The following MYBPHL variants were observed in gnomAD, a reference collection of about 807,000 sequenced individuals.
MYBPHL encodes the protein myosin binding protein H like.
A neutral mutation model predicts 39.5 loss-of-function variants in MYBPHL; 32 were observed. The observed-to-expected ratio is 0.81, with a 90% CI of 0.61 to 1.09. MYBPHL has a LOEUF of 1.09. Among genes scored for constraint, MYBPHL ranks in the 50% least tolerant of loss-of-function variants. The pLI, the probability that MYBPHL is intolerant of heterozygous loss-of-function variation, is 0.00. For synonymous variants in MYBPHL, 196 were observed against 183.7 expected (o/e 1.07, Z -0.54); for missense variants, 456 against 460.2 (o/e 0.99, Z 0.08).
chr1:109,297,258 C>T (rs1274099887), intron 3 of MYBPHL, 69 bp from the exon 4 acceptor site: 8 of 1,606,374 alleles, frequency 5.0e-6, no homozygotes, highest in South Asian at 3.3e-5. Flanking sequence ...TCAGGAGTGC[C>T]CTAGCCCCTT....
chr1:109,297,511 T>A lies in MYBPHL; in HGVS notation c.341A>T (p.Glu114Val). The A allele has an allele frequency of 6.2e-7, 1 of 1,613,750 alleles. No individual in the cohort carries two copies. The stretch of plus-strand genomic sequence containing the variant: ...GCGACCTGAGTCAGCACGTTGGGCT[T>A]CTCGGATGAAGAGGATGGAGTCTTG... Reference protein sequence around the residue: ...GEQDSILFIREAQRADSGRYQ... With the variant: ...GEQDSILFIRVAQRADSGRYQ... Residue 114 changes from glutamate (E) to valine (V), a missense_variant, in exon 3 of 9, where the codon GAA becomes GTA. Transcript: ENST00000357155.
intron 1 of MYBPHL, among the ~76,000 whole-genome samples, 195 bp downstream of exon 1, chr1:109,306,652 G>A (rs1658477968): frequency 6.6e-6 from 1 of 152,144 alleles, no homozygotes; most frequent in African/African-American, 2.4e-5. Context: ...AACTTAGCAG[G>A]GACATTTGAG....
chr1:109,301,850 A>C (rs1425231504), intron 1 of MYBPHL, among the ~76,000 whole-genome samples: 1 of 152,084 alleles, frequency 6.6e-6, no homozygotes, highest in Non-Finnish European at 1.5e-5. Context: ...GCTAAAGTTT[A>C]TGCCTGTTTT....
At chr1:109,298,331 T>A in intron 1 of MYBPHL, 74 bp from the exon 2 acceptor site, 2 of 1,351,924 alleles carry the variant, frequency 1.5e-6, no homozygotes, top group East Asian at 2.5e-5. Flanking sequence ...CTGCCTGCTG[T>A]GGGTGAGTGG....
chr1:109,297,600 T>C lies in MYBPHL; in HGVS notation c.252A>G (p.Gln84=), dbSNP rs74116334. Residue 84 remains glutamine (Q), a synonymous_variant, in exon 3 of 9, where the codon CAA becomes CAG. Coordinates refer to ENST00000357155, the MANE Select transcript of MYBPHL (RefSeq NM_001010985.3). Reference sequence around the variant, plus strand: ...CACAGCCATCATGTGTCCAGATGGCTTGAGGTTTGGGCTTGCCCTGAGGAA... The same window carrying C: ...CACAGCCATCATGTGTCCAGATGGCCTGAGGTTTGGGCTTGCCCTGAGGAA... ...LIPFQGKPKP[Q]AIWTHDGCAL... is the part of the protein sequence containing the mutation. 560 of 1,613,448 alleles carry C rather than the reference T, an allele frequency of 3.5e-4. No homozygotes were observed. Among genetic ancestry groups the C allele is most frequent in the African/African-American group, 1.8e-3 (134 of 74,990 alleles).
intron 5 of MYBPHL, 53 bp downstream of exon 5, chr1:109,296,730 T>C: frequency 6.2e-7 from 1 of 1,606,988 alleles, no homozygotes; most frequent in Non-Finnish European, 8.5e-7. Flanking sequence ...TGAGCCACTG[T>C]GCCCGGCCTA....
chr1:109,297,306 C>T (rs1307128134), intron 3 of MYBPHL, 116 bp downstream of exon 3: 2 of 1,566,878 alleles, frequency 1.3e-6, no homozygotes, highest in Admixed American at 3.5e-5. Context: ...CACCCTGTGT[C>T]CCAGACATGA....
chr1:109,301,166 G>A (rs1298312654), intron 1 of MYBPHL, among the ~76,000 whole-genome samples: 3 of 152,176 alleles, frequency 2.0e-5, no homozygotes, highest in Non-Finnish European at 2.9e-5. Context: ...GGTGTAAATT[G>A]TACTGACCTT....
chr1:109,305,550 G>C (rs924330597), intron 1 of MYBPHL, among the ~76,000 whole-genome samples: 1 of 152,218 alleles, frequency 6.6e-6, no homozygotes, highest in African/African-American at 2.4e-5. Flanking sequence ...GACCAGTAGA[G>C]AGAGCTGAGG....
chr1:109,295,274 G>C lies in MYBPHL; in HGVS notation c.891C>G (p.Asn297Lys). Residue 297 changes from asparagine (N) to lysine (K), a missense_variant, in exon 7 of 9, where the codon AAC (asparagine) becomes AAG (lysine). Coordinates refer to ENST00000357155, the MANE Select transcript of MYBPHL (RefSeq NM_001010985.3). ...TAGGGTTGCCTTGGATATCCATCTT[G>C]TTCTTCAGCCAGATGATCTTGGGCT... ...SPRPKIIWLK[N>K]KMDIQGNPKY... The C allele has an allele frequency of 6.2e-7, 1 of 1,614,034 alleles. No individual in the cohort carries two copies. Among genetic ancestry groups the C allele is most frequent in the Non-Finnish European group, 8.5e-7 (1 of 1,179,926 alleles).
intron 1 of MYBPHL, among the ~76,000 whole-genome samples, chr1:109,304,576 G>A (rs1272665271): frequency 3.9e-5 from 6 of 152,178 alleles, no homozygotes; most frequent in African/African-American, 7.2e-5. Context: ...GAGGGGTCAG[G>A]ATCTCCTATG....
At chr1:109,296,482 A>G in intron 5 of MYBPHL, 112 bp from the exon 6 acceptor site, 7 of 1,356,422 alleles carry the variant, frequency 5.2e-6, no homozygotes, top group Non-Finnish European at 6.1e-6. Context: ...TCTATTGCCC[A>G]GGCTGGAGTG....
At position 109,297,092 on chromosome 1, in the gene MYBPHL, T is replaced by C. The variant is rs1051076064; in HGVS notation, c.528A>G (p.Ala176=). Residue 176 remains alanine, a synonymous_variant, in exon 4 of 9, where the codon GCA becomes GCG. Coordinates refer to ENST00000357155, the MANE Select transcript of MYBPHL (RefSeq NM_001010985.3). ...WTPPQDTGNT[A]LLGYTVQKAD... is the part of the protein sequence containing the mutation. The stretch of plus-strand genomic sequence containing the variant: ...CCTTCTGCACCGTGTATCCCAGAAG[T>C]GCTGTATTCCCCGTATCTTGGGGCG... 1.9e-6 allele frequency: 3 copies of C among 1,614,030 alleles called. No homozygotes were observed. Among genetic ancestry groups the C allele is most frequent in the Non-Finnish European group, 2.5e-6 (3 of 1,180,046 alleles).
rs1253861188 is a variant in MYBPHL, at chr1:109,297,565, G to C, written c.287C>G (p.Thr96Ser). 1 of 1,613,812 alleles carries C rather than the reference G, an allele frequency of 6.2e-7. No individual in the cohort carries two copies. The highest frequency in any genetic ancestry group is 8.5e-7 in the Non-Finnish European group (1 of 1,180,040). Residue 96 changes from threonine to serine, a missense_variant, in exon 3 of 9, where the codon ACC becomes AGC. Physicochemically the swap from Thr to Ser is moderately conservative, Grantham distance 58. Coordinates refer to ENST00000357155, the MANE Select transcript of MYBPHL (RefSeq NM_001010985.3). ...CCCATTCCGCACACTCACACGCCTG[G>C]TGTCCAAGGCACAGCCATCATGTGT... is the stretch of plus-strand genomic sequence containing the variant. ...IWTHDGCALD[T>S]RRVSVRNGEQ...
intron 1 of MYBPHL, among the ~76,000 whole-genome samples, chr1:109,299,622 G>A (rs968643580): frequency 6.6e-6 from 1 of 152,214 alleles, no homozygotes; most frequent in Non-Finnish European, 1.5e-5. Flanking sequence ...CAGTGCACAC[G>A]GTCCGTTTGG....
At chr1:109,305,842 T>C (rs553917447) in intron 1 of MYBPHL, among the ~76,000 whole-genome samples, 2 of 152,308 alleles carry the variant, frequency 1.3e-5, no homozygotes, top group African/African-American at 2.4e-5. Context: ...CTTGGAAATA[T>C]TTGATCATTT....
In MYBPHL at chr1:109,297,131, T is replaced by C. The variant is rs556948540; in HGVS notation, c.489A>G (p.Thr163=). The change falls in exon 4 of 9, where the codon ACA becomes ACG. Residue 163 remains threonine, a synonymous_variant. Transcript: ENST00000357155. ...TATCTTGGGGCGGTGTCCATTCCAG[T>C]GTAGCGCTGAAGCCCCAAACGTCCA... The part of the protein sequence containing the change: ...KLVDVWGFSA[T]LEWTPPQDTG... The C allele has an allele frequency of 6.2e-6, 10 of 1,613,986 alleles. No homozygotes were observed. In the East Asian group the frequency reaches 1.1e-4, roughly 18 times the overall value.
At chr1:109,295,388 T>C (rs972254272) in intron 6 of MYBPHL, 91 bp from the exon 7 acceptor site, 25 of 1,219,470 alleles carry the variant, frequency 2.1e-5, no homozygotes, top group East Asian at 1.0e-4. Flanking sequence ...TCTGTCTATA[T>C]AGAGATAATG....
In MYBPHL at chr1:109,301,705, C is replaced by T. The variant is rs1000523963; in HGVS notation, c.146-3448G>A. Among the ~76,000 whole-genome samples, 7 of 150,996 alleles carry T rather than the reference C, an allele frequency of 4.6e-5. No individual in the cohort carries two copies. The East Asian group carries it at 7.8e-4, about 17-fold the overall frequency. On this transcript the variant is annotated intron_variant, in intron 1 of 8. Coordinates refer to ENST00000357155, the MANE Select transcript of MYBPHL (RefSeq NM_001010985.3). ...GCAGTGAGCCGAGATTGCACCATTGCGCTCCAGCCTGGGCAATAAGAACAA... is the reference window on the plus strand; with the variant it reads ...GCAGTGAGCCGAGATTGCACCATTGTGCTCCAGCCTGGGCAATAAGAACAA...
Sources: gnomAD v4.1 joint callset for allele counts (sites outside exome capture counted in the v4.1 genomes callset) on GRCh38, gnomAD v4.1.1 for gene constraint, MANE v1.5 for transcripts, NCBI Gene and HGNC (gene_info 2026-07-23, HGNC 2026-07-21) for gene names.